The following VPS8 variants were observed in gnomAD, a reference collection of about 807,000 sequenced individuals.
VPS8 encodes the protein vacuolar protein sorting-associated protein 8 homolog.
In VPS8, 129 loss-of-function variants were observed where a neutral mutation model predicts 216.4. The observed-to-expected ratio is 0.60, with a 90% CI of 0.52 to 0.69. VPS8 has a LOEUF of 0.69. Ranked by LOEUF, VPS8 falls within the 30% of genes least tolerant of loss-of-function variation. The pLI is 0.00. For synonymous variants in VPS8, 571 were observed against 565.4 expected (o/e 1.01, Z -0.14); for missense variants, 1,531 against 1,683.5 (o/e 0.91, Z 1.59).
chr3:184,994,891 C>CA (rs1752411707), intron 43 of VPS8, among the ~76,000 whole-genome samples: 1 of 152,088 alleles, frequency 6.6e-6, no homozygotes. Flanking sequence ...ACAATCATGG[C>CA]GGAAGGTGAA....
intron 2 of VPS8, among the ~76,000 whole-genome samples, chr3:184,825,840 G>T (rs1412711417): frequency 6.6e-6 from 1 of 151,940 alleles, no homozygotes; most frequent in African/African-American, 2.4e-5. Context: ...GGTGGAGGTT[G>T]CAGTGAGCTG....
At position 184,940,509 on chromosome 3, in the gene VPS8, G is replaced by T. The variant is rs1185418022; in HGVS notation, c.3035+266G>T. Among the ~76,000 whole-genome samples, 3 of 152,116 alleles carry T rather than the reference G, an allele frequency of 2.0e-5. No homozygotes were observed. In the East Asian group the frequency reaches 5.8e-4, roughly 29 times the overall value. Reference sequence around the variant, plus strand: ...GGTGTAAATAAAATAATGAAGCCATGCCACAAGGACATGTTTCAGAAGAGT... The same window carrying T: ...GGTGTAAATAAAATAATGAAGCCATTCCACAAGGACATGTTTCAGAAGAGT... On this transcript the variant is annotated intron_variant, in intron 36 of 47. Transcript: ENST00000625842.
intron 40 of VPS8, among the ~76,000 whole-genome samples, chr3:184,978,259 A>G (rs1749625483): frequency 6.6e-6 from 1 of 151,744 alleles, no homozygotes; most frequent in African/African-American, 2.4e-5. Flanking sequence ...GCTATTTTTT[A>G]TATTTCTGGG....
chr3:185,011,801 A>G (rs562674426), intron 45 of VPS8, among the ~76,000 whole-genome samples: 1 of 152,352 alleles, frequency 6.6e-6, no homozygotes, highest in African/African-American at 2.4e-5. Flanking sequence ...AGTGTAAACT[A>G]TAATCAAGAG....
At chr3:184,842,834 TA>T (rs1401655913) in intron 7 of VPS8, among the ~76,000 whole-genome samples, 2 of 152,158 alleles carry the variant, frequency 1.3e-5, no homozygotes, top group African/African-American at 4.8e-5. Flanking sequence ...ATATAGTGTT[TA>T]AAAAAATATA....
Position 184,920,128 on chromosome 3 carries a change from C to G in VPS8, c.2384C>G (p.Thr795Ser), listed in dbSNP as rs1255399978. 2.6e-6 allele frequency: 4 copies of G among 1,520,808 alleles called. No individual in the cohort carries two copies. Among genetic ancestry groups the G allele is most frequent in the Non-Finnish European group, 3.5e-6 (4 of 1,135,674 alleles). The allele number at this position is 1,520,808 out of a possible 1,614,324, so 94.2% of individuals were successfully genotyped here. A position where few individuals can be genotyped will look rare whatever the true frequency, so the allele number is the denominator to read the frequency against. ...AAAAAATTTATTTCTCCCTTTTAGA[C>G]TTTTGAAGATTTTAAAAATGACAAG... ...TREFLNVLAL[T>S]FEDFKNDKQA... Residue 795 changes from threonine (T) to serine (S), a missense_variant and splice_region_variant, in exon 29 of 48, where the codon ACT (threonine) becomes AGT (serine). Around this residue, in one of 3 missense-constraint regions of VPS8, gnomAD observed 1,318 missense variants for 1,468.4 expected, o/e 0.90. Transcript: ENST00000625842.
chr3:185,000,689 A>G (rs1753293624), intron 45 of VPS8, among the ~76,000 whole-genome samples: 2 of 151,544 alleles, frequency 1.3e-5, no homozygotes, highest in Non-Finnish European at 2.9e-5. Context: ...GCTCACTGCA[A>G]GCTCCGTCTC....
Position 184,999,748 on chromosome 3 carries a change from G to A in VPS8, c.3889G>A (p.Glu1297Lys). ...FCLQNKECTV[E>K]FEGQTRWTCY... ...CCTACAAAACAAAGAATGCACTGTG[G>A]AATTTGAGGGCCAAACAAGATGGAC... is the stretch of plus-strand genomic sequence containing the variant. The change falls in exon 45 of 48, where the codon GAA (glutamate) becomes AAA (lysine). Residue 1297 changes from glutamate (E) to lysine (K), a missense_variant. Glu to Lys is a moderately conservative substitution (Grantham distance 56). Coordinates refer to ENST00000625842, the MANE Select transcript of VPS8 (RefSeq NM_001009921.3). 2 of 1,613,418 alleles carry A rather than the reference G, an allele frequency of 1.2e-6. No individual in the cohort carries two copies. Among genetic ancestry groups the A allele is most frequent in the South Asian group, 1.1e-5 (1 of 90,866 alleles).
chr3:184,972,436 AG>A (rs1372106620), intron 40 of VPS8, among the ~76,000 whole-genome samples: 1 of 152,226 alleles, frequency 6.6e-6, no homozygotes, highest in African/African-American at 2.4e-5. Context: ...AAAGCCCTCA[AG>A]GGCTACAGAG....
intron 19 of VPS8, 55 bp from the exon 20 acceptor site, chr3:184,869,427 C>T: frequency 1.3e-6 from 2 of 1,553,970 alleles, no homozygotes; most frequent in Non-Finnish European, 8.9e-7. Flanking sequence ...CATAGTTTCA[C>T]TCCTAAAGAT....
intron 28 of VPS8, 145 bp from the exon 29 acceptor site, chr3:184,919,982 G>T (rs561398778): frequency 2.1e-5 from 11 of 527,846 alleles, no homozygotes; most frequent in Non-Finnish European, 1.3e-5. Context: ...ATAATGTCAC[G>T]CAAGGTGTAT....
chr3:184,977,093 T>C (rs992761774), intron 40 of VPS8, among the ~76,000 whole-genome samples: 1 of 152,238 alleles, frequency 6.6e-6, no homozygotes, highest in Non-Finnish European at 1.5e-5. Context: ...TATATGTAAG[T>C]GTTCCCTTTC....
chr3:184,891,259 T>C (rs1732288788), intron 22 of VPS8, among the ~76,000 whole-genome samples: 1 of 152,176 alleles, frequency 6.6e-6, no homozygotes, highest in African/African-American at 2.4e-5. Flanking sequence ...ACCAAAAATG[T>C]TTCTGTTAAA....
At chr3:184,921,998 A>T (rs552508301) in intron 29 of VPS8, among the ~76,000 whole-genome samples, 1 of 152,230 alleles carries the variant, frequency 6.6e-6, no homozygotes, top group Non-Finnish European at 1.5e-5. Flanking sequence ...AGGTCTCTAT[A>T]ACTGGTCCCT....
intron 36 of VPS8, among the ~76,000 whole-genome samples, chr3:184,955,921 G>A (rs1161657459): frequency 1.3e-5 from 2 of 151,220 alleles, no homozygotes; most frequent in African/African-American, 2.4e-5. Flanking sequence ...CATAGGGAAT[G>A]GCCAGTCACT....
At chr3:184,838,976 T>C in intron 6 of VPS8, 4 of 429,540 alleles carry the variant, frequency 9.3e-6, no homozygotes, top group Non-Finnish European at 1.7e-5. Flanking sequence ...GGAGTAATAT[T>C]AGCCTTCTCC....
chr3:184,847,723 A>ACAAAATAAG (rs1723410869), intron 8 of VPS8, among the ~76,000 whole-genome samples: 1 of 152,146 alleles, frequency 6.6e-6, no homozygotes. Context: ...TGAACTCTAG[A>ACAAAATAAG]CAAAATAAGC....
In VPS8 at chr3:184,993,965, G is replaced by C; in HGVS notation, c.3586-18G>C. On this transcript the variant is annotated intron_variant, in intron 42 of 47. Transcript: ENST00000625842. ...TAAAATACAGAATTGTAACAGAATT[G>C]TAATTTTTTCCGATTAGGATCCAGT... 6.6e-7 allele frequency: 1 copy of C among 1,520,030 alleles called. No individual in the cohort carries two copies. 94.2% of individuals were successfully genotyped at this position (1,520,030 alleles called of 1,614,324 possible). A position where few individuals can be genotyped will look rare whatever the true frequency, so the allele number is the denominator to read the frequency against.
intron 7 of VPS8, among the ~76,000 whole-genome samples, chr3:184,842,047 C>T (rs982723997): frequency 1.3e-5 from 2 of 152,062 alleles, no homozygotes; most frequent in Non-Finnish European, 2.9e-5. Context: ...CTTCTCCTCA[C>T]CTCTATCTGC....
Sources: allele counts gnomAD v4.1 joint callset (sites outside exome capture counted in the v4.1 genomes callset), GRCh38; gene constraint gnomAD v4.1.1; regional missense constraint gnomAD v4.1.1; transcripts MANE v1.5; gene names NCBI Gene and HGNC (gene_info 2026-07-23, HGNC 2026-07-21).